The following ABHD3 variants were observed in gnomAD, a reference collection of about 807,000 sequenced individuals.
ABHD3 encodes abhydrolase domain containing 3, phospholipase.
ABHD3 carries 46 observed loss-of-function variants against 48.8 expected under a neutral mutation model. The observed-to-expected ratio is 0.94, with a 90% CI of 0.74 to 1.20. ABHD3 has a LOEUF of 1.20. Ranked by LOEUF, ABHD3 falls within the 50% of genes most tolerant of loss-of-function variation. The pLI is 0.00. For synonymous variants in ABHD3, 192 were observed against 183.7 expected, an observed-to-expected ratio of 1.04 and a Z score of -0.36; for missense variants, 490 against 497.8, an observed-to-expected ratio of 0.98 and a Z score of 0.15.
chr18:21,656,319 C>T (rs2039348372), intron 8 of ABHD3, among the ~76,000 whole-genome samples: 1 of 152,056 alleles, frequency 6.6e-6, no homozygotes, highest in African/African-American at 2.4e-5. Flanking sequence ...GGACTACAGG[C>T]ACACACCACC....
intron 3 of ABHD3, among the ~76,000 whole-genome samples, chr18:21,699,880 G>A (rs868864776): frequency 1.8e-4 from 27 of 152,186 alleles, no homozygotes; most frequent in South Asian, 2.1e-4. Flanking sequence ...GTTTCGCTAT[G>A]TTGGCCAGGC....
chr18:21,679,865 G>T (rs2039968200), intron 4 of ABHD3, among the ~76,000 whole-genome samples: 1 of 151,620 alleles, frequency 6.6e-6, no homozygotes, highest in African/African-American at 2.4e-5. Flanking sequence ...ATAGAGATGG[G>T]GTTTCGCCAT....
chr18:21,703,000 G>T (rs762074548), intron 2 of ABHD3, among the ~76,000 whole-genome samples: 2 of 152,084 alleles, frequency 1.3e-5, no homozygotes, highest in Non-Finnish European at 2.9e-5. Flanking sequence ...CAAACAAACA[G>T]TGCAAGTTCC....
At chr18:21,704,160 T>C (rs2040581610) in intron 1 of ABHD3, among the ~76,000 whole-genome samples, 5 of 152,216 alleles carry the variant, frequency 3.3e-5, no homozygotes, top group Admixed American at 3.3e-4. Flanking sequence ...GTGCTGAGAT[T>C]ACAGGCGTGA....
At chr18:21,665,769 G>T (rs905858443) in intron 4 of ABHD3, among the ~76,000 whole-genome samples, 1 of 150,246 alleles carries the variant, frequency 6.7e-6, no homozygotes, top group African/African-American at 2.4e-5. Flanking sequence ...CTGAGATCAC[G>T]CCACTGCACT....
chr18:21,668,071 G>T (rs1213662677), intron 4 of ABHD3, among the ~76,000 whole-genome samples: 1 of 151,362 alleles, frequency 6.6e-6, no homozygotes, highest in African/African-American at 2.4e-5. Flanking sequence ...TGTGGTGGCA[G>T]GCACGTGTAG....
At chr18:21,675,812 C>T (rs188923238) in intron 4 of ABHD3, among the ~76,000 whole-genome samples, 152 of 152,076 alleles carry the variant, frequency 1.0e-3, no homozygotes, top group African/African-American at 3.2e-3. Context: ...ATTTACAGGC[C>T]GTGGACCTGG....
intron 3 of ABHD3, among the ~76,000 whole-genome samples, chr18:21,697,074 C>CT (rs781661076): frequency 0.082 from 11,174 of 135,676 alleles, 1,630 homozygotes; most frequent in African/African-American, 0.28. Context: ...ATTCTATTAA[C>CT]TTTTTTTTTT....
intron 5 of ABHD3, among the ~76,000 whole-genome samples, chr18:21,660,334 CTCTAG>C (rs1460944902): frequency 7.2e-5 from 11 of 151,796 alleles, no homozygotes; most frequent in African/African-American, 2.7e-4. Flanking sequence ...CTAAATTGCT[CTCTAG>C]TCTAGACTTT....
At chr18:21,657,998 G>C (rs2039397706) in intron 6 of ABHD3, among the ~76,000 whole-genome samples, 1 of 152,140 alleles carries the variant, frequency 6.6e-6, no homozygotes, top group South Asian at 2.1e-4. Context: ...AGGAGTTAGA[G>C]ACCAGCCTGG....
intron 3 of ABHD3, among the ~76,000 whole-genome samples, chr18:21,690,768 G>A (rs1335968558): frequency 2.6e-5 from 4 of 151,646 alleles, no homozygotes; most frequent in South Asian, 2.1e-4. Context: ...GCCGAGGCAG[G>A]TGGATCACCT....
chr18:21,676,578 A>G (rs2039887365), intron 4 of ABHD3, among the ~76,000 whole-genome samples: 1 of 152,190 alleles, frequency 6.6e-6, no homozygotes, highest in Non-Finnish European at 1.5e-5. Flanking sequence ...TTCAGTAGAG[A>G]CAGGGTTTCA....
rs989562672 is a variant in ABHD3 at position 21,664,200 on chromosome 18, C to T, written c.586G>A (p.Glu196Lys). ...TGGTGAATAACTGTCTCCAAGTCTT[C>T]AGTGTTAGCACAACAATAAGTCCTT... ...TPRTYCCANT[E>K]DLETVIHHVH... Residue 196 changes from glutamate to lysine, a missense_variant, in exon 5 of 9, where the codon GAA (glutamate) becomes AAA (lysine). Glu to Lys is a moderately conservative substitution (Grantham distance 56). Coordinates refer to ENST00000289119, the MANE Select transcript of ABHD3 (RefSeq NM_138340.5). 7 of 1,613,878 alleles carry T rather than the reference C, an allele frequency of 4.3e-6. No individual in the cohort carries two copies. The African/African-American group carries it at 9.3e-5, about 22-fold the overall frequency.
At chr18:21,675,262 GTTTTTT>G (rs61119109) in intron 4 of ABHD3, among the ~76,000 whole-genome samples, 11 of 85,476 alleles carry the variant, frequency 1.3e-4, no homozygotes, top group African/African-American at 2.9e-4. Context: ...AATGAGGTGG[GTTTTTT>G]TTTTTTTTTT....
intron 3 of ABHD3, among the ~76,000 whole-genome samples, chr18:21,698,782 T>C (rs1220501361): frequency 6.6e-6 from 1 of 151,574 alleles, no homozygotes; most frequent in South Asian, 2.1e-4. Context: ...GGTTTCGCCA[T>C]GTGGGCCAGG....
At chr18:21,686,900 G>GA (rs933990811) in intron 3 of ABHD3, among the ~76,000 whole-genome samples, 1 of 152,108 alleles carries the variant, frequency 6.6e-6, no homozygotes, top group South Asian at 2.1e-4. Context: ...CTAAGGCATT[G>GA]AAAAATCTGT....
rs1555681996 is a variant in ABHD3, at chr18:21,689,574, A to AAAAT, written c.510-5610_510-5609insATTT. Among the ~76,000 whole-genome samples the AAAAT allele has an allele frequency of 6.1e-4, 90 of 148,702 alleles. 2 individuals carry two copies. Among genetic ancestry groups the AAAAT allele is most frequent in the South Asian group, 1.3e-3 (6 of 4,678 alleles). ...CAAAAAAAAAAAAAAAAAAAAAAAAAGGGAAATGCTCAGTCTCACAGGCTT... is the reference window on the plus strand; with the variant it reads ...CAAAAAAAAAAAAAAAAAAAAAAAAAAAATGGGAAATGCTCAGTCTCACAGGCTT... On this transcript the variant is annotated intron_variant, in intron 3 of 8. Transcript: ENST00000289119.
intron 4 of ABHD3, among the ~76,000 whole-genome samples, chr18:21,674,689 G>A (rs1457377365): frequency 6.6e-6 from 1 of 152,194 alleles, no homozygotes; most frequent in Non-Finnish European, 1.5e-5. Flanking sequence ...GGAAGGTAAG[G>A]GGAGCAGGAA....
chr18:21,681,575 G>A (rs985498537), intron 4 of ABHD3, among the ~76,000 whole-genome samples: 3 of 152,082 alleles, frequency 2.0e-5, no homozygotes, highest in African/African-American at 7.2e-5. Context: ...CCACTGCCAT[G>A]GTTCTCTTTC....
Sources: gnomAD v4.1 joint callset for allele counts (sites outside exome capture counted in the v4.1 genomes callset) on GRCh38, gnomAD v4.1.1 for gene constraint, MANE v1.5 for transcripts, NCBI Gene and HGNC (gene_info 2026-07-23, HGNC 2026-07-21) for gene names.